VPS13B: variants seen among roughly 807,000 people sequenced by gnomAD.
The protein encoded by VPS13B is vacuolar protein sorting 13 homolog B, also known as intermembrane lipid transfer protein VPS13B.
A neutral mutation model predicts 426.4 loss-of-function variants in VPS13B; 285 were observed. The ratio of observed to expected loss-of-function variants is 0.67; its 90% CI spans 0.61 to 0.74. VPS13B has a LOEUF of 0.74. VPS13B is among the 30% of genes least tolerant of loss of function. The probability of loss-of-function intolerance (pLI) is 0.00; values close to 1 mark genes in which losing one functional copy is unlikely to be tolerated. For synonymous variants in VPS13B, 1,676 were observed against 1,676.4 expected (o/e 1.00, Z 0.01); for missense variants, 4,537 against 4,782.6 (o/e 0.95, Z 1.51).
chr8:99,241,755 A>G (rs922237618), intron 17 of VPS13B, among the ~76,000 whole-genome samples: 1 of 152,190 alleles, frequency 6.6e-6, no homozygotes, highest in Non-Finnish European at 1.5e-5. Flanking sequence ...ATGAAGAAAT[A>G]TATTTTATTG....
At chr8:99,275,372 C>T (rs1348236383) in intron 19 of VPS13B, 118 bp downstream of exon 19, 1 of 951,728 alleles carries the variant, frequency 1.1e-6, no homozygotes, top group East Asian at 2.8e-5. Flanking sequence ...AATTGGCTTA[C>T]TCTGCAGTTG....
At chr8:99,146,411 C>G (rs1810730699) in intron 13 of VPS13B, among the ~76,000 whole-genome samples, 1 of 152,172 alleles carries the variant, frequency 6.6e-6, no homozygotes, top group Admixed American at 6.5e-5. Flanking sequence ...TTCCCACTGT[C>G]AGTACCATGC....
chr8:99,771,812 C>A (rs1380524026), intron 40 of VPS13B, among the ~76,000 whole-genome samples: 1 of 152,168 alleles, frequency 6.6e-6, no homozygotes, highest in Non-Finnish European at 1.5e-5. Flanking sequence ...TGTTATAAGC[C>A]ATTTATACAT....
intron 19 of VPS13B, among the ~76,000 whole-genome samples, chr8:99,335,669 C>G (rs1431954382): frequency 6.6e-6 from 1 of 152,128 alleles, no homozygotes; most frequent in Non-Finnish European, 1.5e-5. Flanking sequence ...AGCAAAGTCT[C>G]AGGATACAAA....
chr8:99,649,723 A>G (rs1196303410), intron 34 of VPS13B, among the ~76,000 whole-genome samples: 1 of 152,080 alleles, frequency 6.6e-6, no homozygotes, highest in East Asian at 1.9e-4. Context: ...AAAAGAAAAG[A>G]AAAAGCAACA....
intron 35 of VPS13B, among the ~76,000 whole-genome samples, chr8:99,670,487 G>A (rs748272054): frequency 4.0e-4 from 61 of 152,010 alleles, no homozygotes; most frequent in Non-Finnish European, 5.0e-4. Context: ...TATTTGTGGT[G>A]AGAACCCATA....
intron 51 of VPS13B, among the ~76,000 whole-genome samples, chr8:99,830,873 G>T (rs141073087): frequency 6.6e-6 from 1 of 151,958 alleles, no homozygotes; most frequent in Non-Finnish European, 1.5e-5. Context: ...GATCCCTTGC[G>T]CTTCCCGGGT....
chr8:99,766,066 C>CTTTTTTTT lies in VPS13B; in HGVS notation c.7051-688_7051-681dup, dbSNP rs71274933. ...CTTATTTGGTGTGGCACCTTCATTA[C>CTTTTTTTT]TTTTTTTTTTTTTTTTTTTTTTTTT... is the stretch of plus-strand genomic sequence containing the variant. On this transcript the variant is annotated intron_variant, in intron 39 of 61. Transcript: ENST00000357162. Among the ~76,000 whole-genome samples, 14 of 52,340 alleles carry CTTTTTTTT rather than the reference C, an allele frequency of 2.7e-4. 2 individuals are homozygous for CTTTTTTTT. The highest frequency in any genetic ancestry group is 1.3e-3 in the East Asian group (2 of 1,554). The allele number at this position is 52,340 out of a possible 152,430, so 34.3% of individuals were successfully genotyped here.
At chr8:99,834,612 C>A (rs12545602) in intron 52 of VPS13B, among the ~76,000 whole-genome samples, 18,589 of 152,108 alleles carry the variant, frequency 0.12, 1,152 homozygotes, top group Non-Finnish European at 0.13. Context: ...ACACGGCTCA[C>A]TGCATCCTCA....
chr8:99,218,959 T>C (rs1815533557), intron 17 of VPS13B, among the ~76,000 whole-genome samples: 1 of 151,562 alleles, frequency 6.6e-6, no homozygotes, highest in African/African-American at 2.4e-5. Flanking sequence ...CAGGCAGCAA[T>C]TGTGACAATC....
At chr8:99,860,605 C>T (rs1464714972) in intron 57 of VPS13B, among the ~76,000 whole-genome samples, 2 of 152,164 alleles carry the variant, frequency 1.3e-5, no homozygotes, top group Non-Finnish European at 2.9e-5. Context: ...TATGTGTGTG[C>T]GCACACAGAT....
rs750040634 is a variant in VPS13B, at chr8:99,699,635, C to G, written c.6157C>G (p.His2053Asp). 3 of 1,613,974 alleles carry G rather than the reference C, an allele frequency of 1.9e-6. No homozygotes were observed. The South Asian group carries it at 3.3e-5, about 18-fold the overall frequency. The change falls in exon 36 of 62, where the codon CAT (histidine) becomes GAT (aspartate). Residue 2053 changes from histidine (H) to aspartate (D), a missense_variant. By Grantham distance (81) the His-to-Asp change is moderately conservative. Transcript: ENST00000357162. The stretch of plus-strand genomic sequence containing the variant: ...GATAAAAAATGCACACAGTTTGGCA[C>G]ATAGTGAAGAGACTTCAGCCATGTC... ...KKIKNAHSLA[H>D]SEETSAMSNT...
At position 99,142,567 on chromosome 8, in the gene VPS13B, T is replaced by C. The variant is rs1329361815; in HGVS notation, c.1652-407T>C. Among the ~76,000 whole-genome samples, 3 of 152,336 alleles carry C rather than the reference T, an allele frequency of 2.0e-5. No homozygotes were observed. The East Asian group carries it at 5.8e-4, about 29-fold the overall frequency. ...TCAAGGCACCCTGTGATCATGTTAC[T>C]TAAATAACCCAATTTTCAATAGACT... On this transcript the variant is annotated intron_variant, in intron 12 of 61. Transcript: ENST00000357162.
At chr8:99,490,547 G>C (rs995040142) in intron 25 of VPS13B, among the ~76,000 whole-genome samples, 1 of 152,048 alleles carries the variant, frequency 6.6e-6, no homozygotes, top group African/African-American at 2.4e-5. Context: ...TTTTTTGGTT[G>C]GTAGGCTATT....
intron 33 of VPS13B, among the ~76,000 whole-genome samples, chr8:99,606,498 CAAAAAAAAAA>C (rs370527702): frequency 1.3e-5 from 1 of 74,342 alleles, no homozygotes; most frequent in South Asian, 4.9e-4. Flanking sequence ...GACTCAGTTT[CAAAAAAAAAA>C]AAAAAAGAAA....
chr8:99,114,479 G>C (rs1459714860), intron 6 of VPS13B, among the ~76,000 whole-genome samples: 1 of 152,096 alleles, frequency 6.6e-6, no homozygotes, highest in African/African-American at 2.4e-5. Context: ...CAGATTCTTT[G>C]TTATTGGTTT....
At chr8:99,677,103 C>T (rs147667399) in intron 35 of VPS13B, among the ~76,000 whole-genome samples, 33 of 152,150 alleles carry the variant, frequency 2.2e-4, no homozygotes, top group African/African-American at 6.7e-4. Context: ...GCAACAAGAA[C>T]GAAACTCCAT....
chr8:99,648,214 C>G (rs1295430438), intron 34 of VPS13B, among the ~76,000 whole-genome samples: 1 of 152,212 alleles, frequency 6.6e-6, no homozygotes, highest in East Asian at 1.9e-4. Flanking sequence ...GACTCAGTTT[C>G]TGCCTTCAGG....
At chr8:99,526,109 G>A (rs923552887) in intron 30 of VPS13B, among the ~76,000 whole-genome samples, 2 of 150,764 alleles carry the variant, frequency 1.3e-5, no homozygotes, top group East Asian at 1.9e-4. Flanking sequence ...AAATGGGGGG[G>A]TGGGGATGGG....
Sources: allele counts gnomAD v4.1 joint callset (sites outside exome capture counted in the v4.1 genomes callset), GRCh38; gene constraint gnomAD v4.1.1; transcripts MANE v1.5; gene names NCBI Gene and HGNC (gene_info 2026-07-23, HGNC 2026-07-21).